The following PRIM2 variants were observed in gnomAD, a reference collection of about 807,000 sequenced individuals.
The protein encoded by PRIM2 is DNA primase subunit 2.
A neutral mutation model predicts 67.3 loss-of-function variants in PRIM2; 39 were observed. The observed-to-expected ratio is 0.58, with a 90% CI of 0.45 to 0.76. The LOEUF (loss-of-function observed/expected upper bound fraction) is 0.76. Ranked by LOEUF, PRIM2 falls within the 30% of genes least tolerant of loss-of-function variation. The pLI, the probability that PRIM2 is intolerant of heterozygous loss-of-function variation, is 0.00. For synonymous variants in PRIM2, 143 were observed against 198.7 expected (o/e 0.72, Z 2.36); for missense variants, 398 against 598.7 (o/e 0.66, Z 3.50).
intron 10 of PRIM2, among the ~76,000 whole-genome samples, chr6:57,565,992 T>C (rs1186559551): frequency 1.1e-4 from 16 of 152,320 alleles, no homozygotes; most frequent in African/African-American, 3.4e-4. Context: ...CATGTTAGAT[T>C]TGGTGTTGTC....
At chr6:57,548,198 CATGG>C (rs1338703701) in intron 10 of PRIM2, among the ~76,000 whole-genome samples, 2 of 152,184 alleles carry the variant, frequency 1.3e-5, no homozygotes, top group Admixed American at 1.3e-4. Flanking sequence ...AGTCCCAGGT[CATGG>C]GGCTGCATCT....
chr6:57,566,185 T>C (rs2127479910), intron 10 of PRIM2, among the ~76,000 whole-genome samples: 1 of 151,824 alleles, frequency 6.6e-6, no homozygotes, highest in South Asian at 2.1e-4. Context: ...TTTTTTTTTT[T>C]TTTCTGTAAA....
At chr6:57,460,413 AG>A (rs1196267503) in intron 7 of PRIM2, among the ~76,000 whole-genome samples, 1 of 152,132 alleles carries the variant, frequency 6.6e-6, no homozygotes, top group Non-Finnish European at 1.5e-5. Context: ...AGAGAATTGA[AG>A]AGTCTCTGCA....
chr6:57,394,740 C>T (rs1223292037), intron 7 of PRIM2, among the ~76,000 whole-genome samples: 1 of 152,028 alleles, frequency 6.6e-6, no homozygotes, highest in East Asian at 1.9e-4. Flanking sequence ...GTCTTGTTCC[C>T]GTTCTCAGAG....
At chr6:57,541,889 C>G (rs1429945517) in intron 10 of PRIM2, among the ~76,000 whole-genome samples, 1,599 of 152,126 alleles carry the variant, frequency 0.011, 37 homozygotes, top group South Asian at 0.076. Context: ...AGAAACACCC[C>G]CTCAGACACC....
rs543956267 is a variant in PRIM2, at chr6:57,326,441, C to T, written c.459+396C>T. 27 of 157,992 alleles carry T rather than the reference C, an allele frequency of 1.7e-4. No individual in the cohort carries two copies. In the South Asian group the frequency reaches 2.5e-3, roughly 14 times the overall value. 9.8% of individuals were successfully genotyped at this position (157,992 alleles called of 1,614,324 possible). On this transcript the variant is annotated intron_variant, in intron 5 of 13. Transcript: ENST00000615550. ...CTTTATTTAAAAGTCAGTTGTCAGG[C>T]GGGGCGTGGTGCCTCACACCTGTAA...
At chr6:57,310,448 T>A (rs1767359072), upstream of PRIM2, among the ~76,000 whole-genome samples, 1 of 152,242 alleles carries the variant, frequency 6.6e-6, no homozygotes, top group Non-Finnish European at 1.5e-5. Context: ...TATGTCTACT[T>A]CTTTCTACAC....
At chr6:57,589,645 T>C (rs1461262227) in intron 10 of PRIM2, among the ~76,000 whole-genome samples, 2 of 152,368 alleles carry the variant, frequency 1.3e-5, no homozygotes, top group East Asian at 3.9e-4. Context: ...AAAAGCTTTG[T>C]TCCTTTTTGC....
chr6:57,344,916 C>T (rs1768619384), intron 5 of PRIM2, among the ~76,000 whole-genome samples: 1 of 152,030 alleles, frequency 6.6e-6, no homozygotes, highest in South Asian at 2.1e-4. Context: ...AGCTGAATTA[C>T]CCTTAAAGGC....
At chr6:57,351,902 G>A (rs937024217) in intron 5 of PRIM2, among the ~76,000 whole-genome samples, 4 of 152,176 alleles carry the variant, frequency 2.6e-5, no homozygotes, top group African/African-American at 4.8e-5. Flanking sequence ...TCATGACCCC[G>A]TGTAAGTTAC....
At chr6:57,319,079 A>G (rs1030658605) in intron 2 of PRIM2, among the ~76,000 whole-genome samples, 49 of 152,202 alleles carry the variant, frequency 3.2e-4, no homozygotes, top group African/African-American at 1.2e-3. Flanking sequence ...GCAGAGAAGA[A>G]GTGAAGAGTT....
chr6:57,519,369 C>T (rs1193554040), intron 8 of PRIM2, among the ~76,000 whole-genome samples: 18 of 152,210 alleles, frequency 1.2e-4, no homozygotes, highest in African/African-American at 4.1e-4. Flanking sequence ...TATTTCACCC[C>T]TGCAGTCTCG....
chr6:57,340,812 A>T (rs112247777), intron 5 of PRIM2, among the ~76,000 whole-genome samples: 1 of 152,124 alleles, frequency 6.6e-6, no homozygotes, highest in Non-Finnish European at 1.5e-5. Context: ...CATATGTAAC[A>T]AACCTGCACA....
intron 10 of PRIM2, among the ~76,000 whole-genome samples, chr6:57,581,933 G>A (rs1776090828): frequency 6.6e-6 from 1 of 152,174 alleles, no homozygotes; most frequent in Non-Finnish European, 1.5e-5. Context: ...GCAACCCAGG[G>A]TCTAAGGCCT....
At chr6:57,360,453 T>A (rs1261275889) in intron 5 of PRIM2, among the ~76,000 whole-genome samples, 2 of 152,272 alleles carry the variant, frequency 1.3e-5, no homozygotes, top group African/African-American at 4.8e-5. Flanking sequence ...CTATGGAAAT[T>A]ATTTCTTACT....
chr6:57,301,823 A>G, the PRIM2 span, among the ~76,000 whole-genome samples: 1 of 152,206 alleles, frequency 6.6e-6, no homozygotes, highest in Non-Finnish European at 1.5e-5. Context: ...CTCTGTCTCA[A>G]TAACAACAAC....
In PRIM2 at chr6:57,452,313, T is replaced by C. The variant is rs1456160069; in HGVS notation, c.694-55074T>C. Among the ~76,000 whole-genome samples, 4 of 152,316 alleles carry C rather than the reference T, an allele frequency of 2.6e-5. No individual in the cohort carries two copies. In the East Asian group the frequency reaches 7.7e-4, roughly 29 times the overall value. On this transcript the variant is annotated intron_variant, in intron 7 of 13. Transcript: ENST00000615550. Reference sequence around the variant, plus strand: ...GGTATATACCCAGTAATGGGATTGCTGGGTCAAATGGTATTTCTAGTTCTA... The same window carrying C: ...GGTATATACCCAGTAATGGGATTGCCGGGTCAAATGGTATTTCTAGTTCTA...
intron 7 of PRIM2, among the ~76,000 whole-genome samples, chr6:57,472,543 G>T (rs1773363028): frequency 6.6e-6 from 1 of 152,176 alleles, no homozygotes; most frequent in Admixed American, 6.5e-5. Context: ...GAGCACTTCA[G>T]TTATCACTTG....
chr6:57,578,522 T>C (rs1286174200), intron 10 of PRIM2, among the ~76,000 whole-genome samples: 1,614 of 152,308 alleles, frequency 0.011, 29 homozygotes, highest in African/African-American at 0.037. Flanking sequence ...TTTATGTTGG[T>C]GCACATTCAT....
Sources: allele counts gnomAD v4.1 joint callset (sites outside exome capture counted in the v4.1 genomes callset), GRCh38; gene constraint gnomAD v4.1.1; transcripts MANE v1.5; gene names NCBI Gene and HGNC (gene_info 2026-07-23, HGNC 2026-07-21).